Variants in FKBP15 observed in about 807,000 individuals in gnomAD.
FKBP15 encodes FKBP prolyl isomerase family member 15.
Under a neutral mutation model 158.1 loss-of-function variants are expected in FKBP15, and 106 were observed. That is an observed-to-expected ratio of 0.67 (90% CI 0.57 to 0.79). The LOEUF (loss-of-function observed/expected upper bound fraction) is 0.79. Ranked by LOEUF, FKBP15 falls within the 30% of genes least tolerant of loss-of-function variation. The probability of loss-of-function intolerance (pLI) is 0.00; values close to 1 mark genes in which losing one functional copy is unlikely to be tolerated. For missense variants in FKBP15, 1,287 were observed against 1,479.1 expected, an observed-to-expected ratio of 0.87 and a Z score of 2.13; for synonymous variants, 547 against 548.6, an observed-to-expected ratio of 1.00 and a Z score of 0.04.
At position 113,166,084 on chromosome 9, in the gene FKBP15, C is replaced by T; in HGVS notation, c.3654G>A (p.Leu1218=). ...DDDDDDDIDW[L]G ...GCACCAGTTTCCTGGGTCTTCATCCCAGCCAGTCAATGTCATCGTCATCAT... is the reference window on the plus strand; with the variant it reads ...GCACCAGTTTCCTGGGTCTTCATCCTAGCCAGTCAATGTCATCGTCATCAT... Residue 1218 remains leucine (L), a synonymous_variant, in exon 28 of 28, where the codon CTG becomes CTA. Coordinates refer to ENST00000238256, the MANE Select transcript of FKBP15 (RefSeq NM_015258.2). 1 of 1,613,416 alleles carries T rather than the reference C, an allele frequency of 6.2e-7. No homozygotes were observed. Among genetic ancestry groups the T allele is most frequent in the Non-Finnish European group, 8.5e-7 (1 of 1,179,666 alleles).
Position 113,165,057 on chromosome 9 carries a change from A to AAGAC in FKBP15, c.*1017_*1020dup, listed in dbSNP as rs1250394325. The AAGAC allele has an allele frequency of 6.9e-6, 1 of 145,574 alleles. No individual in the cohort carries two copies. The highest frequency in any genetic ancestry group is 1.5e-5 in the Non-Finnish European group (1 of 64,950). 9.0% of individuals were successfully genotyped at this position (145,574 alleles called of 1,614,324 possible). Reference sequence around the variant, plus strand: ...TAAAATTAATTATTCTGTTTTTTTAAAGACTGATTGCATAATCTTTGGAAG... The same window carrying AAGAC: ...TAAAATTAATTATTCTGTTTTTTTAAAGACAGACTGATTGCATAATCTTTGGAAG... On this transcript the variant is annotated 3_prime_UTR_variant, in exon 28 of 28. Coordinates refer to ENST00000238256, the MANE Select transcript of FKBP15 (RefSeq NM_015258.2).
chr9:113,219,409 A>G (rs1373985035), intron 1 of FKBP15, among the ~76,000 whole-genome samples: 3 of 152,234 alleles, frequency 2.0e-5, no homozygotes, highest in African/African-American at 7.2e-5. Context: ...CCTTAGAGAA[A>G]ACCAAAAAAG....
chr9:113,212,219 C>T (rs1194627020), intron 1 of FKBP15, among the ~76,000 whole-genome samples: 1 of 151,980 alleles, frequency 6.6e-6, no homozygotes, highest in African/African-American at 2.4e-5. Flanking sequence ...GATGGAGTTT[C>T]ACTCTGTTGC....
In FKBP15 at chr9:113,170,519, T is replaced by A. The variant is rs1359941682; in HGVS notation, c.2766+3A>T. ...GAAACAAATGACAGCTGGCTGGCTG[T>A]ACCTTGATCGTATTCATGATGGTTC... On this transcript the variant is annotated splice_donor_region_variant and intron_variant, in intron 25 of 27. Transcript: ENST00000238256. 1 of 1,600,166 alleles carries A rather than the reference T, an allele frequency of 6.2e-7. No homozygotes were observed.
intron 20 of FKBP15, 102 bp from the exon 21 acceptor site, chr9:113,176,775 G>T: frequency 7.7e-7 from 1 of 1,292,916 alleles, no homozygotes; most frequent in Non-Finnish European, 1.1e-6. Context: ...TGGAGACAAA[G>T]CCTTGCTCCA....
At chr9:113,202,334 T>C (rs1587970201) in intron 6 of FKBP15, among the ~76,000 whole-genome samples, 197 bp downstream of exon 6, 1 of 152,346 alleles carries the variant, frequency 6.6e-6, no homozygotes, top group East Asian at 1.9e-4. Context: ...AAGGCTAAAT[T>C]GTCAAGCAGT....
intron 2 of FKBP15, among the ~76,000 whole-genome samples, chr9:113,208,465 T>C (rs1188492905): frequency 1.3e-5 from 2 of 152,252 alleles, no homozygotes; most frequent in Non-Finnish European, 1.5e-5. Flanking sequence ...GAGATAATAC[T>C]GATGCGGACA....
intron 20 of FKBP15, 31 bp from the exon 21 acceptor site, chr9:113,176,704 C>T (rs1448894778): frequency 6.2e-7 from 1 of 1,602,810 alleles, no homozygotes; most frequent in Admixed American, 1.7e-5. Context: ...GACTTCGCTA[C>T]AGAACCAAAG....
chr9:113,197,381 T>C (rs1023159501), intron 8 of FKBP15, among the ~76,000 whole-genome samples: 2 of 152,022 alleles, frequency 1.3e-5, no homozygotes, highest in Non-Finnish European at 2.9e-5. Flanking sequence ...AAAAAGCATG[T>C]TTTTGGCTGG....
intron 6 of FKBP15, among the ~76,000 whole-genome samples, chr9:113,200,201 C>A (rs1830762110): frequency 6.6e-6 from 1 of 152,118 alleles, no homozygotes; most frequent in African/African-American, 2.4e-5. Context: ...ACTTTGTGAC[C>A]CTAGCCAAAT....
intron 6 of FKBP15, among the ~76,000 whole-genome samples, chr9:113,201,139 A>G (rs772378144): frequency 1.3e-5 from 2 of 152,068 alleles, no homozygotes; most frequent in Non-Finnish European, 2.9e-5. Context: ...ACCAAAAGAA[A>G]AAAAGGATCA....
Position 113,182,953 on chromosome 9 carries a change from A to G in FKBP15, c.1812-85T>C. ...AACCCAATGCCCATTCTGTCCTCAC[A>G]ACATTGCTGCTCTATACCTTTGTCA... On this transcript the variant is annotated intron_variant, in intron 18 of 27. Transcript: ENST00000238256. 1.1e-5 allele frequency: 12 copies of G among 1,080,300 alleles called. No individual in the cohort carries two copies. The South Asian group carries it at 1.5e-4, about 14-fold the overall frequency. 66.9% of individuals were successfully genotyped at this position (1,080,300 alleles called of 1,614,324 possible).
In FKBP15 at chr9:113,161,807, G is replaced by A; in HGVS notation, c.*4271C>T. The A allele has an allele frequency of 7.9e-7, 1 of 1,270,756 alleles. No individual in the cohort carries two copies. The highest frequency in any genetic ancestry group is 1.1e-6 in the Non-Finnish European group (1 of 887,930). 78.7% of individuals were successfully genotyped at this position (1,270,756 alleles called of 1,614,324 possible). ...TTCACAGAGAGGACAGCGAGGCCCA[G>A]GGAAGGACCAGGACTTGCCAAAGTG... On this transcript the variant is annotated 3_prime_UTR_variant, in exon 28 of 28. Transcript: ENST00000238256.
chr9:113,211,990 C>A (rs1831016071), intron 1 of FKBP15, among the ~76,000 whole-genome samples: 2 of 151,948 alleles, frequency 1.3e-5, no homozygotes, highest in South Asian at 4.2e-4. Flanking sequence ...TTCTAGTCAC[C>A]CTTACTGACT....
chr9:113,196,027 C>G (rs1256815695), intron 9 of FKBP15, among the ~76,000 whole-genome samples: 6 of 136,476 alleles, frequency 4.4e-5, no homozygotes, highest in Non-Finnish European at 9.9e-5. Flanking sequence ...CAGACACACA[C>G]ACATGCACAC....
chr9:113,202,866 C>G lies in FKBP15; in HGVS notation c.399+95G>C, dbSNP rs953552949. The G allele has an allele frequency of 4.2e-5, 44 of 1,040,698 alleles. No homozygotes were observed. In the South Asian group the frequency reaches 6.1e-4, roughly 14 times the overall value. The allele number at this position is 1,040,698 out of a possible 1,614,324, so 64.5% of individuals were successfully genotyped here. On this transcript the variant is annotated intron_variant, in intron 5 of 27. Transcript: ENST00000238256. ...ACTCACAAGGACACCCAGGGCTGAA[C>G]CAGTGGATCTAATTTCTATTAGGTA...
rs542368765 is a variant in FKBP15, at chr9:113,197,148, C to G, written c.718-70G>C. 176 of 1,564,772 alleles carry G rather than the reference C, an allele frequency of 1.1e-4. No homozygotes were observed. In the South Asian group the frequency reaches 1.9e-3, roughly 17 times the overall value. On this transcript the variant is annotated intron_variant, in intron 8 of 27. Transcript: ENST00000238256. ...CAGAAGACAAAGTGAAGTACAGGAG[C>G]AACAGGTTTCACTTATCCACACTTT...
At chr9:113,210,548 G>A (rs9722731) in intron 2 of FKBP15, among the ~76,000 whole-genome samples, 34,749 of 152,014 alleles carry the variant, frequency 0.23, 4,719 homozygotes, top group African/African-American at 0.36. Flanking sequence ...GGCCAGAATC[G>A]TCTCGATCTC....
Position 113,218,786 on chromosome 9 carries a change from C to T in FKBP15, c.53+2405G>A, listed in dbSNP as rs377026567. ...AGATAATCTGTCCAAAGTCACATTC[C>T]TAACTGGGGATAGAATCAACATTTG... On this transcript the variant is annotated intron_variant, in intron 1 of 27. Coordinates refer to ENST00000238256, the MANE Select transcript of FKBP15 (RefSeq NM_015258.2). Among the ~76,000 whole-genome samples the T allele has an allele frequency of 2.8e-4, 42 of 152,274 alleles. 1 individual carries two copies. In the South Asian group the frequency reaches 8.5e-3, roughly 31 times the overall value.
Sources: gnomAD v4.1 joint callset for allele counts (sites outside exome capture counted in the v4.1 genomes callset) on GRCh38, gnomAD v4.1.1 for gene constraint, MANE v1.5 for transcripts, NCBI Gene and HGNC (gene_info 2026-07-23, HGNC 2026-07-21) for gene names.